PACRG: variants seen among roughly 807,000 people sequenced by gnomAD.
PACRG encodes parkin coregulated gene protein.
Under a neutral mutation model 29.7 loss-of-function variants are expected in PACRG, and 29 were observed. The ratio of observed to expected loss-of-function variants is 0.98; its 90% confidence interval spans 0.73 to 1.33. PACRG has a LOEUF of 1.33. PACRG is among the 40% of genes most tolerant of loss of function. The probability of loss-of-function intolerance (pLI) is 0.00; values close to 1 mark genes in which losing one functional copy is unlikely to be tolerated. For missense variants in PACRG, 279 were observed against 316.2 expected, an observed-to-expected ratio of 0.88 and a Z score of 0.89; for synonymous variants, 116 against 118.7, an observed-to-expected ratio of 0.98 and a Z score of 0.15.
intron 4 of PACRG, among the ~76,000 whole-genome samples, chr6:163,205,743 G>A (rs190898039): frequency 2.0e-5 from 3 of 152,140 alleles, no homozygotes; most frequent in Admixed American, 2.0e-4. Context: ...CTTCTGCACA[G>A]CAAAGGAAAC....
intron 4 of PACRG, among the ~76,000 whole-genome samples, chr6:163,303,965 G>A (rs773042499): frequency 1.5e-5 from 2 of 136,424 alleles, no homozygotes; most frequent in African/African-American, 2.9e-5. Context: ...GCAGCGAGCC[G>A]AGATTGAGCC....
chr6:162,828,474 G>A (rs1366420450), intron 2 of PACRG, among the ~76,000 whole-genome samples: 1 of 152,230 alleles, frequency 6.6e-6, no homozygotes, highest in South Asian at 2.1e-4. Context: ...CTTACTGGGT[G>A]TCAGACCCTG....
At chr6:162,842,302 T>G in intron 2 of PACRG, among the ~76,000 whole-genome samples, 1 of 138,294 alleles carries the variant, frequency 7.2e-6, no homozygotes, top group African/African-American at 2.7e-5. Context: ...CATATATATT[T>G]AGGATAGTTA....
intron 4 of PACRG, among the ~76,000 whole-genome samples, chr6:163,201,546 C>T (rs928703948): frequency 6.6e-6 from 1 of 152,196 alleles, no homozygotes; most frequent in Non-Finnish European, 1.5e-5. Flanking sequence ...AAAGACCACC[C>T]AGCTCCCTAA....
intron 4 of PACRG, among the ~76,000 whole-genome samples, chr6:163,112,989 A>T (rs184674647): frequency 6.6e-6 from 1 of 152,218 alleles, no homozygotes; most frequent in African/African-American, 2.4e-5. Flanking sequence ...CTAAAAGAAC[A>T]TGGGGAGGAA....
chr6:162,757,622 C>T (rs1028695475), intron 1 of PACRG, among the ~76,000 whole-genome samples: 1 of 151,986 alleles, frequency 6.6e-6, no homozygotes, highest in Non-Finnish European at 1.5e-5. Flanking sequence ...GCAGGAGAAT[C>T]GCTTGAACCT....
chr6:163,086,720 C>T (rs1813594148), intron 3 of PACRG, among the ~76,000 whole-genome samples: 1 of 152,076 alleles, frequency 6.6e-6, no homozygotes, highest in African/African-American at 2.4e-5. Context: ...ATCTTATATT[C>T]TAGGACTTTT....
chr6:162,861,860 G>A (rs1455479450), intron 2 of PACRG, among the ~76,000 whole-genome samples: 3 of 152,094 alleles, frequency 2.0e-5, no homozygotes, highest in African/African-American at 7.2e-5. Flanking sequence ...CATAGTTTAT[G>A]ACCTGTCCCA....
At chr6:163,065,097 C>A (rs1413058442) in intron 3 of PACRG, among the ~76,000 whole-genome samples, 1 of 152,172 alleles carries the variant, frequency 6.6e-6, no homozygotes, top group Non-Finnish European at 1.5e-5. Flanking sequence ...TCTGGAATAA[C>A]CCACACCGTG....
intron 4 of PACRG, among the ~76,000 whole-genome samples, chr6:163,153,242 C>T (rs1332782671): frequency 6.6e-6 from 1 of 151,978 alleles, no homozygotes; most frequent in Non-Finnish European, 1.5e-5. Context: ...CAGATGATAC[C>T]GATAGTTTGG....
chr6:162,780,344 T>C (rs1054389029), intron 1 of PACRG, among the ~76,000 whole-genome samples: 1 of 152,240 alleles, frequency 6.6e-6, no homozygotes, highest in African/African-American at 2.4e-5. Context: ...ACTTTAATAT[T>C]TGGGCTCACA....
At chr6:163,289,212 G>T (rs1784497332) in intron 4 of PACRG, among the ~76,000 whole-genome samples, 1 of 152,188 alleles carries the variant, frequency 6.6e-6, no homozygotes, top group Non-Finnish European at 1.5e-5. Context: ...CATGTGTCAG[G>T]ACTCGCTGGT....
At chr6:162,919,675 G>A (rs955699810) in intron 2 of PACRG, among the ~76,000 whole-genome samples, 8 of 152,158 alleles carry the variant, frequency 5.3e-5, no homozygotes, top group Non-Finnish European at 1.2e-4. Flanking sequence ...TGTTGTAGTT[G>A]AATGAATCAA....
chr6:162,977,021 G>C (rs1274635500), intron 2 of PACRG, among the ~76,000 whole-genome samples: 3 of 151,980 alleles, frequency 2.0e-5, no homozygotes, highest in Admixed American at 6.6e-5. Flanking sequence ...AATATAGCGA[G>C]AAACTTGCAG....
chr6:162,884,776 T>C (rs1342466275), intron 2 of PACRG, among the ~76,000 whole-genome samples: 1 of 152,186 alleles, frequency 6.6e-6, no homozygotes, highest in Admixed American at 6.5e-5. Flanking sequence ...TTGGCATTTA[T>C]GTGTATTTTC....
intron 1 of PACRG, among the ~76,000 whole-genome samples, chr6:162,762,309 A>G (rs1322219209): frequency 1.3e-5 from 2 of 152,198 alleles, no homozygotes; most frequent in African/African-American, 2.4e-5. Flanking sequence ...GTAAGAATAC[A>G]CAGTGAAAAA....
chr6:163,217,305 G>T (rs151104660), intron 4 of PACRG, among the ~76,000 whole-genome samples: 1 of 152,308 alleles, frequency 6.6e-6, no homozygotes, highest in Non-Finnish European at 1.5e-5. Context: ...CCCCCAACGG[G>T]AGCCCAATCC....
At chr6:163,240,165 G>A (rs1042616845) in intron 4 of PACRG, among the ~76,000 whole-genome samples, 1 of 152,012 alleles carries the variant, frequency 6.6e-6, no homozygotes, top group Non-Finnish European at 1.5e-5. Flanking sequence ...GTGGCTCCCC[G>A]GGGCCGCACC....
intron 2 of PACRG, among the ~76,000 whole-genome samples, chr6:162,921,570 TCTTGCTGTGGGGTAAGAC>T (rs1219166752): frequency 2.0e-5 from 3 of 152,198 alleles, no homozygotes; most frequent in Non-Finnish European, 4.4e-5. Flanking sequence ...AGAGGCTGAC[TCTTGCTGTGGGGTAAGAC>T]CCAGGCATTG....
Sources: gnomAD v4.1 joint callset for allele counts (sites outside exome capture counted in the v4.1 genomes callset) on GRCh38, gnomAD v4.1.1 for gene constraint, MANE v1.5 for transcripts, NCBI Gene and HGNC (gene_info 2026-07-23, HGNC 2026-07-21) for gene names.